Variants in FRMD4A observed in about 807,000 individuals in gnomAD.
FRMD4A encodes the protein FERM domain-containing protein 4A.
A neutral mutation model predicts 129.1 loss-of-function variants in FRMD4A; 29 were observed. That is an observed-to-expected ratio of 0.22 (90% CI 0.17 to 0.31). FRMD4A has a LOEUF of 0.31. FRMD4A is among the 10% of genes least tolerant of loss of function. The pLI, the probability that FRMD4A is intolerant of heterozygous loss-of-function variation, is 1.00. For synonymous variants in FRMD4A, 634 were observed against 571.6 expected (o/e 1.11, Z -1.56); for missense variants, 1,272 against 1,375.8 (o/e 0.92, Z 1.19).
chr10:14,255,930 G>C (rs998578066), intron 2 of FRMD4A, among the ~76,000 whole-genome samples: 1 of 148,982 alleles, frequency 6.7e-6, no homozygotes, highest in Non-Finnish European at 1.5e-5. Flanking sequence ...CACTTGAACC[G>C]AGAATGCAGA....
intron 12 of FRMD4A, among the ~76,000 whole-genome samples, chr10:13,724,315 G>A (rs2089715854): frequency 6.6e-6 from 1 of 152,264 alleles, no homozygotes; most frequent in African/African-American, 2.4e-5. Context: ...GTGAACCCGG[G>A]AGGCGGACGT....
intron 2 of FRMD4A, among the ~76,000 whole-genome samples, chr10:14,162,403 T>C (rs1840936947): frequency 1.3e-5 from 2 of 152,248 alleles, no homozygotes; most frequent in Admixed American, 1.3e-4. Flanking sequence ...CTAGGTCCTC[T>C]GGTACAAGTG....
At chr10:14,289,742 G>T (rs1037236161) in intron 2 of FRMD4A, among the ~76,000 whole-genome samples, 2 of 152,020 alleles carry the variant, frequency 1.3e-5, no homozygotes, top group South Asian at 4.1e-4. Context: ...ATGCAATATA[G>T]GAAGTCCTAG....
intron 2 of FRMD4A, among the ~76,000 whole-genome samples, chr10:14,119,435 A>G (rs765914448): frequency 1.3e-5 from 2 of 152,228 alleles, no homozygotes; most frequent in Non-Finnish European, 2.9e-5. Context: ...ATGTGCAGAT[A>G]TAACGTTCCC....
At chr10:13,688,528 AAAACTT>A (rs2085326370) in intron 15 of FRMD4A, among the ~76,000 whole-genome samples, 1 of 152,110 alleles carries the variant, frequency 6.6e-6, no homozygotes, top group Admixed American at 6.5e-5. Context: ...CATGTACCCT[AAAACTT>A]AAAGTATAAT....
intron 2 of FRMD4A, among the ~76,000 whole-genome samples, chr10:14,269,331 C>T (rs767732679): frequency 4.6e-5 from 7 of 152,142 alleles, no homozygotes; most frequent in Non-Finnish European, 8.8e-5. Context: ...AAAATTCGTA[C>T]GAGTTTAGCA....
intron 2 of FRMD4A, among the ~76,000 whole-genome samples, chr10:14,271,981 A>T (rs1271923453): frequency 6.6e-6 from 1 of 152,048 alleles, no homozygotes; most frequent in Non-Finnish European, 1.5e-5. Flanking sequence ...ATAATAATTT[A>T]ATTTAGTTAA....
At position 14,231,344 on chromosome 10, in the gene FRMD4A, T is replaced by C. The variant is rs962614426; in HGVS notation, c.45+98714A>G. 5.8e-4 allele frequency among the ~76,000 whole-genome samples: 87 copies of C among 150,060 alleles called. 1 individual carries two copies. Among genetic ancestry groups the C allele is most frequent in the East Asian group, 1.6e-3 (8 of 5,122 alleles). ...ACTGGTATGAGATGATATCTCATTG[T>C]GGTTTTTTTTTTTTTTGAGACGGAG... On this transcript the variant is annotated intron_variant, in intron 2 of 24. Coordinates refer to ENST00000357447, the MANE Select transcript of FRMD4A (RefSeq NM_018027.5).
In FRMD4A at chr10:14,036,833, G is replaced by A. The variant is rs527313182; in HGVS notation, c.46-177921C>T. On this transcript the variant is annotated intron_variant, in intron 2 of 24. Transcript: ENST00000357447. ...ACTCCTGACCTCAAGTGATCTACCC[G>A]CCTCAGCCTCCCAAAGTGGCAAGAA... Among the ~76,000 whole-genome samples, 6 of 152,012 alleles carry A rather than the reference G, an allele frequency of 3.9e-5. No homozygotes were observed. The South Asian group carries it at 1.2e-3, about 32-fold the overall frequency.
At position 13,660,494 on chromosome 10, in the gene FRMD4A, G is replaced by T. The variant is rs1263691115; in HGVS notation, c.1720C>A (p.Pro574Thr). The change falls in exon 20 of 25, where the codon CCT becomes ACT. Residue 574 changes from proline (P) to threonine (T), a missense_variant. By Grantham distance (38) the Pro-to-Thr change is conservative (BLOSUM62 -1). This residue lies in a region of FRMD4A where 972 missense variants were observed against 892.3 expected (regional missense o/e 1.09). Coordinates refer to ENST00000357447, the MANE Select transcript of FRMD4A (RefSeq NM_018027.5). Reference sequence around the variant, plus strand: ...GGCCTGTTGTGCGACGGTGGCCGAGGAGGGAGTCCCTTGTGAGGAGAATGT... The same window carrying T: ...GGCCTGTTGTGCGACGGTGGCCGAGTAGGGAGTCCCTTGTGAGGAGAATGT... Reference protein sequence around the residue: ...PLHSPHKGLPPRPPSHNRPPP... With the variant: ...PLHSPHKGLPTRPPSHNRPPP... The T allele has an allele frequency of 3.1e-6, 5 of 1,614,002 alleles. No individual in the cohort carries two copies. Among genetic ancestry groups the T allele is most frequent in the Non-Finnish European group, 4.2e-6 (5 of 1,179,998 alleles).
intron 2 of FRMD4A, among the ~76,000 whole-genome samples, chr10:14,136,992 G>T (rs1839572093): frequency 6.6e-6 from 1 of 152,208 alleles, no homozygotes; most frequent in African/African-American, 2.4e-5. Flanking sequence ...ACTTTCTGAT[G>T]ATTCATATCA....
At chr10:14,082,405 T>C (rs1371975625) in intron 2 of FRMD4A, among the ~76,000 whole-genome samples, 1 of 152,188 alleles carries the variant, frequency 6.6e-6, no homozygotes, top group Non-Finnish European at 1.5e-5. Context: ...TGATGGAACT[T>C]AACCTCACTT....
chr10:13,878,065 G>A (rs990421941), intron 2 of FRMD4A, among the ~76,000 whole-genome samples: 3 of 152,156 alleles, frequency 2.0e-5, no homozygotes, highest in Non-Finnish European at 4.4e-5. Flanking sequence ...CGGCAAACGA[G>A]AGTCTAAATA....
chr10:13,660,467 G>A lies in FRMD4A; in HGVS notation c.1747C>T (p.Pro583Ser), dbSNP rs1201297317. The A allele has an allele frequency of 6.8e-6, 11 of 1,614,030 alleles. No individual in the cohort carries two copies. Among genetic ancestry groups the A allele is most frequent in the Middle Eastern group, 1.6e-4 (1 of 6,082 alleles). Residue 583 changes from proline (P) to serine (S), a missense_variant, in exon 20 of 25, where the codon CCT (proline) becomes TCT (serine). Coordinates refer to ENST00000357447, the MANE Select transcript of FRMD4A (RefSeq NM_018027.5). ...AGTCCCTCCAGGGACTGGGGAGGAG[G>A]AGGCCTGTTGTGCGACGGTGGCCGA... is the stretch of plus-strand genomic sequence containing the variant. Reference protein sequence around the residue: ...PPRPPSHNRPPPPQSLEGLRQ... With the variant: ...PPRPPSHNRPSPPQSLEGLRQ...
chr10:13,934,672 C>A (rs2095233570), intron 2 of FRMD4A, among the ~76,000 whole-genome samples: 1 of 152,064 alleles, frequency 6.6e-6, no homozygotes, highest in Non-Finnish European at 1.5e-5. Context: ...GCAGGGAGAG[C>A]AACATTTTTA....
intron 3 of FRMD4A, among the ~76,000 whole-genome samples, chr10:13,846,277 C>T (rs903013757): frequency 6.6e-6 from 1 of 152,206 alleles, no homozygotes; most frequent in Non-Finnish European, 1.5e-5. Context: ...ACTTTTAATG[C>T]AATTACTTTC....
In FRMD4A at chr10:14,212,957, T is replaced by C. The variant is rs554421415; in HGVS notation, c.45+117101A>G. Among the ~76,000 whole-genome samples, 5 of 152,238 alleles carry C rather than the reference T, an allele frequency of 3.3e-5. No individual in the cohort carries two copies. The South Asian group carries it at 1.0e-3, about 32-fold the overall frequency. Reference sequence around the variant, plus strand: ...GCTGGGTTCAGAAATGTAGGATAGGTCAGATGCAGTGGCTCACGCCTGTAA... The same window carrying C: ...GCTGGGTTCAGAAATGTAGGATAGGCCAGATGCAGTGGCTCACGCCTGTAA... On this transcript the variant is annotated intron_variant, in intron 2 of 24. Coordinates refer to ENST00000357447, the MANE Select transcript of FRMD4A (RefSeq NM_018027.5).
At chr10:14,185,541 G>C (rs80278380) in intron 2 of FRMD4A, among the ~76,000 whole-genome samples, 2 of 151,368 alleles carry the variant, frequency 1.3e-5, no homozygotes, top group African/African-American at 2.5e-5. Context: ...ATGGAAACTT[G>C]AAACATAAAG....
chr10:13,978,786 T>A (rs2095550886), intron 2 of FRMD4A, among the ~76,000 whole-genome samples: 1 of 152,188 alleles, frequency 6.6e-6, no homozygotes, highest in Admixed American at 6.5e-5. Flanking sequence ...CTTTTAAAAA[T>A]GCTTTGCTGT....
Sources: allele counts gnomAD v4.1 joint callset (sites outside exome capture counted in the v4.1 genomes callset), GRCh38; gene constraint gnomAD v4.1.1; regional missense constraint gnomAD v4.1.1; transcripts MANE v1.5; gene names NCBI Gene and HGNC (gene_info 2026-07-23, HGNC 2026-07-21).